Variants in CDK14 observed in about 807,000 individuals in gnomAD.
CDK14 encodes cyclin-dependent kinase 14.
A neutral mutation model predicts 60.7 loss-of-function variants in CDK14; 34 were observed. That is an observed-to-expected ratio of 0.56 (90% CI 0.43 to 0.75). CDK14 has a LOEUF of 0.75. Ranked by LOEUF, CDK14 falls within the 30% of genes least tolerant of loss-of-function variation. CDK14 has a pLI of 0.00. For missense variants in CDK14, 482 were observed against 564.1 expected (o/e 0.85, Z 1.47); for synonymous variants, 197 against 203.7 (o/e 0.97, Z 0.28).
At chr7:90,890,286 T>A (rs1262797949) in intron 6 of CDK14, among the ~76,000 whole-genome samples, 2 of 152,110 alleles carry the variant, frequency 1.3e-5, no homozygotes, top group African/African-American at 2.4e-5. Flanking sequence ...AGAGGGAGGA[T>A]CCCTTGAGTC....
intron 11 of CDK14, among the ~76,000 whole-genome samples, chr7:91,053,124 T>C (rs1191967332): frequency 6.6e-6 from 1 of 152,182 alleles, no homozygotes; most frequent in Non-Finnish European, 1.5e-5. Context: ...AGAAATAAAA[T>C]ACTATGGTGA....
At chr7:91,005,456 C>T (rs184123089) in intron 10 of CDK14, among the ~76,000 whole-genome samples, 15 of 152,320 alleles carry the variant, frequency 9.8e-5, no homozygotes, top group African/African-American at 1.7e-4. Flanking sequence ...CAGCATTACA[C>T]GTAAGCAGAA....
intron 9 of CDK14, among the ~76,000 whole-genome samples, chr7:90,967,532 T>G (rs1399932471): frequency 6.6e-6 from 1 of 152,154 alleles, no homozygotes; most frequent in Non-Finnish European, 1.5e-5. Context: ...GCTGCCATCT[T>G]AGTGTGGTGG....
intron 10 of CDK14, among the ~76,000 whole-genome samples, chr7:91,006,533 A>G (rs979016956): frequency 1.3e-5 from 2 of 152,230 alleles, no homozygotes; most frequent in African/African-American, 4.8e-5. Flanking sequence ...CCCTATATCA[A>G]TATCCTGTTC....
chr7:90,896,081 T>C (rs1792328335), intron 6 of CDK14, among the ~76,000 whole-genome samples: 1 of 152,088 alleles, frequency 6.6e-6, no homozygotes. Flanking sequence ...TTTTTTTTCT[T>C]GTCTCTTTTG....
At chr7:90,757,382 C>T (rs1208527610) in intron 4 of CDK14, among the ~76,000 whole-genome samples, 3 of 151,572 alleles carry the variant, frequency 2.0e-5, no homozygotes, top group African/African-American at 7.3e-5. Context: ...AAAATGCATT[C>T]TGAGGTGCTT....
chr7:90,668,461 C>A lies in CDK14; in HGVS notation c.124-58106C>A, dbSNP rs117091215. Reference sequence around the variant, plus strand: ...TTGCAAGTATTTCTCTTTGGGTTGTCTTTTCATTTTCTTAATGTTATACTT... The same window carrying A: ...TTGCAAGTATTTCTCTTTGGGTTGTATTTTCATTTTCTTAATGTTATACTT... On this transcript the variant is annotated intron_variant, in intron 2 of 14. Coordinates refer to ENST00000380050, the MANE Select transcript of CDK14 (RefSeq NM_001287135.2). Among the ~76,000 whole-genome samples the A allele has an allele frequency of 8.2e-4, 125 of 152,048 alleles. 2 individuals carry two copies. The East Asian group carries it at 0.02, about 25-fold the overall frequency.
intron 14 of CDK14, among the ~76,000 whole-genome samples, chr7:91,203,857 T>C (rs181052879): frequency 9.5e-4 from 145 of 152,298 alleles, no homozygotes; most frequent in African/African-American, 3.4e-3. Flanking sequence ...CTTCTTGATG[T>C]CATGGTCCTC....
intron 14 of CDK14, among the ~76,000 whole-genome samples, chr7:91,172,139 C>T (rs1801539440): frequency 1.3e-5 from 2 of 152,204 alleles, no homozygotes; most frequent in African/African-American, 4.8e-5. Context: ...AATTTATTCA[C>T]TTACCCAGTA....
chr7:91,123,682 A>G (rs1799852814), intron 14 of CDK14, among the ~76,000 whole-genome samples: 1 of 151,898 alleles, frequency 6.6e-6, no homozygotes, highest in Non-Finnish European at 1.5e-5. Flanking sequence ...CGCTAATGCA[A>G]GTTTGTTTCT....
chr7:91,087,236 G>A (rs1419680826), intron 12 of CDK14, among the ~76,000 whole-genome samples: 1 of 152,132 alleles, frequency 6.6e-6, no homozygotes, highest in Non-Finnish European at 1.5e-5. Flanking sequence ...TATTCATTGT[G>A]AGGATAGAGC....
At chr7:90,742,584 A>G (rs1803391580) in intron 3 of CDK14, among the ~76,000 whole-genome samples, 1 of 151,942 alleles carries the variant, frequency 6.6e-6, no homozygotes, top group Admixed American at 6.6e-5. Flanking sequence ...TATTGTCTTT[A>G]TTAATCTCTT....
chr7:91,172,427 A>G (rs1234841810), intron 14 of CDK14, among the ~76,000 whole-genome samples: 1 of 152,088 alleles, frequency 6.6e-6, no homozygotes, highest in African/African-American at 2.4e-5. Context: ...TTTATCCTTC[A>G]TCTGCTTCCT....
intron 8 of CDK14, among the ~76,000 whole-genome samples, chr7:90,926,816 C>A (rs1793430690): frequency 6.6e-6 from 1 of 152,182 alleles, no homozygotes; most frequent in Non-Finnish European, 1.5e-5. Context: ...AGTTGCAAGT[C>A]CTGGACTGCC....
intron 6 of CDK14, among the ~76,000 whole-genome samples, chr7:90,875,135 T>C (rs977287827): frequency 6.6e-6 from 1 of 152,232 alleles, no homozygotes; most frequent in Non-Finnish European, 1.5e-5. Context: ...CATTGTCTTC[T>C]TTGACTTAGC....
intron 5 of CDK14, among the ~76,000 whole-genome samples, chr7:90,842,063 T>A (rs1453108668): frequency 1.3e-5 from 2 of 152,116 alleles, no homozygotes; most frequent in African/African-American, 4.8e-5. Context: ...CCCCTGCAAG[T>A]TTAGTTAGAA....
chr7:90,807,983 G>A (rs10247515), intron 5 of CDK14, among the ~76,000 whole-genome samples: 66,160 of 152,012 alleles, frequency 0.44, 15,196 homozygotes, highest in East Asian at 0.82. Context: ...CCAAATCTAC[G>A]TCTGATTGGT....
intron 5 of CDK14, among the ~76,000 whole-genome samples, chr7:90,801,988 G>C (rs532728939): frequency 2.0e-5 from 3 of 152,280 alleles, no homozygotes; most frequent in South Asian, 2.1e-4. Flanking sequence ...TTGCACTCAG[G>C]CTCCTGAAAG....
intron 10 of CDK14, among the ~76,000 whole-genome samples, chr7:91,029,706 T>A (rs1167796646): frequency 6.6e-6 from 1 of 151,544 alleles, no homozygotes; most frequent in Non-Finnish European, 1.5e-5. Flanking sequence ...TTCAGCTTGG[T>A]CATTATTGGT....
Sources: allele counts gnomAD v4.1 joint callset (sites outside exome capture counted in the v4.1 genomes callset), GRCh38; gene constraint gnomAD v4.1.1; transcripts MANE v1.5; gene names NCBI Gene and HGNC (gene_info 2026-07-23, HGNC 2026-07-21).